The following ATP8A2 variants were observed in gnomAD, a reference collection of about 807,000 sequenced individuals.
The protein encoded by ATP8A2 is ATPase phospholipid transporting 8A2, also known as phospholipid-transporting ATPase IB.
ATP8A2 carries 100 observed loss-of-function variants against 165.6 expected under a neutral mutation model. The ratio of observed to expected loss-of-function variants is 0.60; its 90% CI spans 0.51 to 0.71. The LOEUF is 0.71. ATP8A2 is among the 30% of genes least tolerant of loss of function. ATP8A2 has a pLI of 0.00. For missense variants in ATP8A2, 1,227 were observed against 1,479.5 expected (o/e 0.83, Z 2.80); for synonymous variants, 543 against 548.8 (o/e 0.99, Z 0.15).
chr13:25,818,448 A>T (rs979234034), intron 27 of ATP8A2, among the ~76,000 whole-genome samples: 1 of 152,216 alleles, frequency 6.6e-6, no homozygotes, highest in Admixed American at 6.5e-5. Flanking sequence ...AATAAGTAGG[A>T]TTGACTGCTA....
At chr13:25,870,249 G>A (rs1952638089) in intron 33 of ATP8A2, among the ~76,000 whole-genome samples, 1 of 152,146 alleles carries the variant, frequency 6.6e-6, no homozygotes, top group South Asian at 2.1e-4. Flanking sequence ...TCAACGTCCA[G>A]CCACCTCTGT....
chr13:25,452,063 C>T (rs924478457), intron 1 of ATP8A2, among the ~76,000 whole-genome samples: 1 of 152,058 alleles, frequency 6.6e-6, no homozygotes, highest in Admixed American at 6.5e-5. Flanking sequence ...CCGTGTTAGC[C>T]AGGATGGTCT....
intron 2 of ATP8A2, among the ~76,000 whole-genome samples, chr13:25,503,081 G>A (rs1304470796): frequency 6.6e-6 from 1 of 152,096 alleles, no homozygotes; most frequent in Non-Finnish European, 1.5e-5. Context: ...TGGGATCAGT[G>A]TGCTGCCTGG....
At chr13:25,935,781 G>A (rs981027897) in intron 33 of ATP8A2, among the ~76,000 whole-genome samples, 1 of 152,192 alleles carries the variant, frequency 6.6e-6, no homozygotes, top group African/African-American at 2.4e-5. Context: ...CAACGTGGGG[G>A]ATCACATCTC....
At chr13:25,603,997 T>C (rs2040454533) in intron 24 of ATP8A2, among the ~76,000 whole-genome samples, 1 of 151,578 alleles carries the variant, frequency 6.6e-6, no homozygotes, top group Non-Finnish European at 1.5e-5. Context: ...TCACCAGGAT[T>C]GATAAGAGAT....
intron 11 of ATP8A2, among the ~76,000 whole-genome samples, chr13:25,551,752 G>T (rs1024389010): frequency 1.2e-4 from 19 of 152,048 alleles, no homozygotes; most frequent in Non-Finnish European, 1.5e-5. Flanking sequence ...CTTAGTGGTT[G>T]CCCTAGGAAT....
chr13:25,921,495 C>T (rs1016419670), intron 33 of ATP8A2, among the ~76,000 whole-genome samples: 2 of 150,694 alleles, frequency 1.3e-5, no homozygotes, highest in African/African-American at 4.9e-5. Context: ...TGGTGGCGGG[C>T]ACCTGTAGTC....
At chr13:25,534,430 G>A (rs2038213337) in intron 6 of ATP8A2, among the ~76,000 whole-genome samples, 1 of 152,114 alleles carries the variant, frequency 6.6e-6, no homozygotes, top group African/African-American at 2.4e-5. Context: ...GGTTCTTCTT[G>A]TTACTCCCTC....
rs148095470 is a variant in ATP8A2, at chr13:25,462,602, G to C, written c.77-6375G>C. ...TTTTTATTGGGGTTTCATTATGTGG[G>C]ATTATTAATTGGATCATTGGTCACA... is the stretch of plus-strand genomic sequence containing the variant. On this transcript the variant is annotated intron_variant, in intron 1 of 36. Transcript: ENST00000381655. Among the ~76,000 whole-genome samples the C allele has an allele frequency of 4.8e-3, 729 of 152,258 alleles. 4 individuals are homozygous for C. The highest frequency in any genetic ancestry group is 0.017 in the African/African-American group (699 of 41,542).
At chr13:25,679,815 C>G (rs1220100972) in intron 24 of ATP8A2, among the ~76,000 whole-genome samples, 3 of 152,110 alleles carry the variant, frequency 2.0e-5, no homozygotes, top group Admixed American at 2.0e-4. Context: ...TTGTCAGTGT[C>G]TTTCTCCTTT....
intron 17 of ATP8A2, among the ~76,000 whole-genome samples, chr13:25,571,403 C>T (rs1281409979): frequency 3.9e-5 from 6 of 152,190 alleles, no homozygotes; most frequent in Admixed American, 1.3e-4. Flanking sequence ...TAGCATATAT[C>T]CAAGCCTCCC....
chr13:25,745,044 CG>C (rs1362509732), intron 25 of ATP8A2, among the ~76,000 whole-genome samples: 7 of 152,078 alleles, frequency 4.6e-5, no homozygotes, highest in Admixed American at 2.0e-4. Context: ...AGGTTCAAGC[CG>C]TTCTCCTGCC....
chr13:25,969,534 A>C (rs1955867212), intron 35 of ATP8A2, among the ~76,000 whole-genome samples: 2 of 152,304 alleles, frequency 1.3e-5, no homozygotes, highest in African/African-American at 4.8e-5. Context: ...AGAGGTCCCC[A>C]CTTTGTGTTT....
intron 25 of ATP8A2, among the ~76,000 whole-genome samples, chr13:25,754,779 A>G (rs747254573): frequency 2.0e-5 from 3 of 152,206 alleles, no homozygotes; most frequent in Non-Finnish European, 4.4e-5. Context: ...ATGATAGAGA[A>G]TAATTATATA....
rs1950940444 is a variant in ATP8A2, at chr13:25,813,802, T to C, written c.2680-14316T>C. On this transcript the variant is annotated intron_variant, in intron 27 of 36. Coordinates refer to ENST00000381655, the MANE Select transcript of ATP8A2 (RefSeq NM_016529.6). ...CTTTTGGATGAGCTTAACATCTAAA[T>C]AGGGAGACTGAGGACAGCAGATTGC... 2.6e-5 allele frequency among the ~76,000 whole-genome samples: 4 copies of C among 152,266 alleles called. No individual in the cohort carries two copies. The South Asian group carries it at 8.3e-4, about 32-fold the overall frequency.
At chr13:25,995,608 T>C (rs1465520687) in intron 35 of ATP8A2, among the ~76,000 whole-genome samples, 1 of 152,094 alleles carries the variant, frequency 6.6e-6, no homozygotes, top group Non-Finnish European at 1.5e-5. Context: ...TTTTCTGTTA[T>C]CTTTTTTATT....
intron 25 of ATP8A2, among the ~76,000 whole-genome samples, chr13:25,717,633 A>T (rs2138013746): frequency 6.6e-6 from 1 of 152,320 alleles, no homozygotes; most frequent in African/African-American, 2.4e-5. Context: ...GAAATATACA[A>T]CAATTCTAAC....
At chr13:25,389,667 C>T (rs1378966784) in intron 1 of ATP8A2, among the ~76,000 whole-genome samples, 1 of 152,192 alleles carries the variant, frequency 6.6e-6, no homozygotes, top group South Asian at 2.1e-4. Flanking sequence ...TTACTCAAAT[C>T]AACAAATATT....
intron 33 of ATP8A2, among the ~76,000 whole-genome samples, chr13:25,912,814 G>A (rs996623150): frequency 3.9e-5 from 6 of 152,060 alleles, no homozygotes; most frequent in Non-Finnish European, 8.8e-5. Context: ...CCTCCATTAC[G>A]GTAACAATTG....
Sources: gnomAD v4.1 joint callset for allele counts (sites outside exome capture counted in the v4.1 genomes callset) on GRCh38, gnomAD v4.1.1 for gene constraint, MANE v1.5 for transcripts, NCBI Gene and HGNC (gene_info 2026-07-23, HGNC 2026-07-21) for gene names.